CDKL5: variants seen among roughly 807,000 people sequenced by gnomAD.
The protein encoded by CDKL5 is cyclin dependent kinase like 5, also known as cyclin-dependent kinase-like 5.
CDKL5 carries 8 observed loss-of-function variants against 61.7 expected under a neutral mutation model. That is an observed-to-expected ratio of 0.13 (90% CI 0.08 to 0.23). The LOEUF is 0.23. CDKL5 is among the 10% of genes least tolerant of loss of function. CDKL5 has a pLI of 1.00. For synonymous variants in CDKL5, 275 were observed against 272.3 expected (o/e 1.01, Z -0.10); for missense variants, 440 against 734.5 (o/e 0.60, Z 4.63).
chrX:18,633,515 G>C lies in CDKL5; in HGVS notation c.*4758G>C. 1.3e-6 allele frequency: 1 copy of C among 754,050 alleles called. No individual in the cohort carries two copies. The highest frequency in any genetic ancestry group is 6.7e-5 in the South Asian group (1 of 14,849). The allele number at this position is 754,050 out of a possible 1,213,427, so 62.1% of individuals were successfully genotyped here. A position where few individuals can be genotyped will look rare whatever the true frequency, so the allele number is the denominator to read the frequency against. On this transcript the variant is annotated 3_prime_UTR_variant, in exon 18 of 18. Coordinates refer to ENST00000623535, the MANE Select transcript of CDKL5 (RefSeq NM_001323289.2). ...TAAGCAGTTACAATTTCTTCCTTTT[G>C]CTTCTTGACCAGCTGAGATACAGAA...
chrX:18,497,758 CTGTGT>C (rs768772681), intron 1 of CDKL5, among the ~76,000 whole-genome samples: 1 of 110,374 alleles, frequency 9.1e-6, no homozygotes, highest in Non-Finnish European at 1.9e-5. Context: ...GGAACCCCTC[CTGTGT>C]TGTGTTGTGT....
At chrX:18,504,254 T>A (rs1325514011) in intron 1 of CDKL5, among the ~76,000 whole-genome samples, 1 of 109,605 alleles carries the variant, frequency 9.1e-6, no homozygotes, top group Non-Finnish European at 1.9e-5. Flanking sequence ...CCAGGCTAGG[T>A]TTTTTTTGTT....
intron 1 of CDKL5, among the ~76,000 whole-genome samples, chrX:18,458,940 C>T (rs1478101226): frequency 1.8e-5 from 2 of 111,754 alleles, no homozygotes; most frequent in African/African-American, 6.5e-5. Context: ...AGTTTACTTC[C>T]TGGCATTATT....
intron 3 of CDKL5, among the ~76,000 whole-genome samples, chrX:18,560,776 TACACACACAC>T (rs57724882): frequency 2.0e-4 from 21 of 104,272 alleles, no homozygotes; most frequent in Admixed American, 8.4e-4. Context: ...ATTCAAAAAA[TACACACACAC>T]ACACACACAC....
chrX:18,511,963 A>G (rs1317720252), intron 3 of CDKL5, among the ~76,000 whole-genome samples: 2 of 112,038 alleles, frequency 1.8e-5, no homozygotes, highest in Non-Finnish European at 3.8e-5. Context: ...AACTTGGGAT[A>G]ATAGTGTAGA....
At chrX:18,540,671 TTTCCCC>T (rs986442427) in intron 3 of CDKL5, among the ~76,000 whole-genome samples, 15 of 110,058 alleles carry the variant, frequency 1.4e-4, no homozygotes, top group African/African-American at 3.0e-4. Flanking sequence ...TTTTCTTTTC[TTTCCCC>T]TTCCCCTTCC....
At chrX:18,602,803 A>C (rs1285816454) in intron 11 of CDKL5, among the ~76,000 whole-genome samples, 1 of 112,055 alleles carries the variant, frequency 8.9e-6, no homozygotes, top group Non-Finnish European at 1.9e-5. Context: ...GTGACTTCCA[A>C]TTAGTGTGTC....
At chrX:18,428,581 C>G (rs1054928160) in intron 1 of CDKL5, among the ~76,000 whole-genome samples, 1 of 111,695 alleles carries the variant, frequency 9.0e-6, no homozygotes, top group Non-Finnish European at 1.9e-5. Flanking sequence ...ATAATTAATT[C>G]ACATGCATAG....
intron 15 of CDKL5, among the ~76,000 whole-genome samples, chrX:18,614,881 T>C (rs1926671223): frequency 8.9e-6 from 1 of 112,532 alleles, no homozygotes; most frequent in Non-Finnish European, 1.9e-5. Context: ...GAAGTGGTGA[T>C]GATTTAAAAG....
At chrX:18,564,617 A>G (rs1924907539) in intron 4 of CDKL5, 95 bp downstream of exon 4, 1 of 266,921 alleles carries the variant, frequency 3.7e-6, no homozygotes, top group Non-Finnish European at 6.4e-6. Context: ...AGTGGGATCT[A>G]GCTGGTCAGA....
intron 1 of CDKL5, among the ~76,000 whole-genome samples, chrX:18,487,796 A>T (rs55996386): frequency 1.8e-5 from 2 of 111,958 alleles, no homozygotes; most frequent in Admixed American, 9.4e-5. Context: ...TGTGCCTGTA[A>T]TCCCAGCTAC....
At chrX:18,536,448 T>G (rs113027594) in intron 3 of CDKL5, among the ~76,000 whole-genome samples, 1 of 73,737 alleles carries the variant, frequency 1.4e-5, no homozygotes, top group Admixed American at 1.6e-4. Flanking sequence ...TTTTTTTTTT[T>G]TTTTTTTTTT....
rs1056152646 is a variant in CDKL5, at chrX:18,640,096, T to C, written c.*11339T>C. On this transcript the variant is annotated 3_prime_UTR_variant, in exon 18 of 18. Coordinates refer to ENST00000623535, the MANE Select transcript of CDKL5 (RefSeq NM_001323289.2). ...GATCTAGTGATAATGGTTGCACAAC[T>C]CTGAATATACCAAAAGTCATCAAAT... The C allele has an allele frequency of 1.8e-5, 2 of 111,343 alleles. No homozygotes were observed. The highest frequency in any genetic ancestry group is 6.5e-5 in the African/African-American group (2 of 30,544). The allele number at this position is 111,343 out of a possible 1,213,427, so 9.2% of individuals were successfully genotyped here.
At chrX:18,464,613 C>A (rs189217480) in intron 1 of CDKL5, among the ~76,000 whole-genome samples, 28 of 111,416 alleles carry the variant, frequency 2.5e-4, no homozygotes, top group African/African-American at 8.8e-4. Flanking sequence ...GCATGGCAAA[C>A]ACTTCATAAG....
In CDKL5 at chrX:18,564,526, GATATATATATATAT is replaced by G; in HGVS notation, c.145+15_145+28del. 1.6e-6 allele frequency: 1 copy of G among 608,153 alleles called. No individual in the cohort carries two copies. The highest frequency in any genetic ancestry group is 2.5e-6 in the Non-Finnish European group (1 of 406,242). 50.1% of individuals were successfully genotyped at this position (608,153 alleles called of 1,213,427 possible). The stretch of plus-strand genomic sequence containing the variant: ...AAGAAATTCAAGGACAGTGAAGGTA[GATATATATATATAT>G]ATATATATATCTGTATATATGTATT... On this transcript the variant is annotated splice_donor_5th_base_variant and intron_variant, in intron 4 of 17. Coordinates refer to ENST00000623535, the MANE Select transcript of CDKL5 (RefSeq NM_001323289.2).
chrX:18,507,845 T>G (rs1456495461), intron 2 of CDKL5, among the ~76,000 whole-genome samples: 1 of 112,021 alleles, frequency 8.9e-6, no homozygotes. Context: ...GACTATGTTT[T>G]GTAAATTCTG....
chrX:18,509,709 C>T (rs1250313501), intron 2 of CDKL5, among the ~76,000 whole-genome samples: 1 of 111,519 alleles, frequency 9.0e-6, no homozygotes, highest in African/African-American at 3.3e-5. Flanking sequence ...ATAAGTAACC[C>T]CAAAGGTAGT....
chrX:18,647,627 C>G lies in CDKL5; in HGVS notation c.2797+1537C>G. On this transcript the variant is annotated intron_variant, in intron 20 of 21. Coordinates refer to the CDKL5 transcript ENST00000379989. Reference sequence around the variant, plus strand: ...GGGGTGTGTGGAATTTTGAGAAATACTTCACCTCCTCCACCAACTTAGAGA... The same window carrying G: ...GGGGTGTGTGGAATTTTGAGAAATAGTTCACCTCCTCCACCAACTTAGAGA... The G allele has an allele frequency of 2.1e-5, 7 of 329,414 alleles. No homozygotes were observed. In the South Asian group the frequency reaches 3.2e-4, roughly 15 times the overall value. The allele number at this position is 329,414 out of a possible 1,213,427, so 27.1% of individuals were successfully genotyped here. A position where few individuals can be genotyped will look rare whatever the true frequency, so the allele number is the denominator to read the frequency against.
In CDKL5 at chrX:18,631,044, G is replaced by T; in HGVS notation, c.*2287G>T. ...GTGCTATGCGCTTAGGAACTGCACG[G>T]TCCCGTTGCCATGCTGTGGCATTCG... is the stretch of plus-strand genomic sequence containing the variant. On this transcript the variant is annotated 3_prime_UTR_variant, in exon 18 of 18. Coordinates refer to ENST00000623535, the MANE Select transcript of CDKL5 (RefSeq NM_001323289.2). The T allele has an allele frequency of 1.3e-6, 1 of 752,271 alleles. No homozygotes were observed. The highest frequency in any genetic ancestry group is 1.6e-6 in the Non-Finnish European group (1 of 639,018). 62.0% of individuals were successfully genotyped at this position (752,271 alleles called of 1,213,427 possible).
Sources: gnomAD v4.1 joint callset for allele counts (sites outside exome capture counted in the v4.1 genomes callset) on GRCh38, gnomAD v4.1.1 for gene constraint, MANE v1.5 for transcripts, NCBI Gene and HGNC (gene_info 2026-07-23, HGNC 2026-07-21) for gene names.